MYO16: variants seen among roughly 807,000 people sequenced by gnomAD.
The protein encoded by MYO16 is unconventional myosin-XVI.
Under a neutral mutation model 205.3 loss-of-function variants are expected in MYO16, and 94 were observed. The observed-to-expected ratio is 0.46, with a 90% CI of 0.39 to 0.54. The LOEUF (loss-of-function observed/expected upper bound fraction) is 0.54. MYO16 is among the 20% of genes least tolerant of loss of function. The probability of loss-of-function intolerance (pLI) is 0.00; values close to 1 mark genes in which losing one functional copy is unlikely to be tolerated. For synonymous variants in MYO16, 988 were observed against 954.0 expected, an observed-to-expected ratio of 1.04 and a Z score of -0.66; for missense variants, 2,315 against 2,387.5, an observed-to-expected ratio of 0.97 and a Z score of 0.63.
intron 1 of MYO16, among the ~76,000 whole-genome samples, chr13:108,619,599 T>G (rs560484370): frequency 6.6e-6 from 1 of 152,112 alleles, no homozygotes; most frequent in Non-Finnish European, 1.5e-5. Flanking sequence ...AGTAATAGGA[T>G]GTAGCATCAG....
At chr13:108,901,401 A>T (rs547056544) in intron 15 of MYO16, among the ~76,000 whole-genome samples, 380 of 151,862 alleles carry the variant, frequency 2.5e-3, no homozygotes, top group Middle Eastern at 0.01. Context: ...TCTCTTTTGT[A>T]CTCTGTCCCT....
chr13:108,641,432 C>T (rs891509835), intron 1 of MYO16, among the ~76,000 whole-genome samples: 2 of 152,136 alleles, frequency 1.3e-5, no homozygotes, highest in Non-Finnish European at 2.9e-5. Flanking sequence ...ATCAATTGGC[C>T]ATTCTCCTTC....
intron 4 of MYO16, among the ~76,000 whole-genome samples, chr13:108,781,377 G>A (rs1886296836): frequency 6.6e-6 from 1 of 152,212 alleles, no homozygotes; most frequent in African/African-American, 2.4e-5. Context: ...ATAGCTGAAA[G>A]AACACTAGGG....
chr13:108,811,233 C>T (rs532925200), intron 7 of MYO16, among the ~76,000 whole-genome samples: 31 of 151,924 alleles, frequency 2.0e-4, no homozygotes, highest in African/African-American at 7.0e-4. Flanking sequence ...ACATTTTTAC[C>T]CAAGTGTATA....
At position 109,127,370 on chromosome 13, in the gene MYO16, G is replaced by C; in HGVS notation, c.3871G>C (p.Gly1291Arg). 1 of 1,613,700 alleles carries C rather than the reference G, an allele frequency of 6.2e-7. No homozygotes were observed. Residue 1291 changes from glycine to arginine, a missense_variant, in exon 31 of 35, where the codon GGC becomes CGC. Physicochemically the swap from Gly to Arg is moderately radical, Grantham distance 125 (BLOSUM62 -2). Transcript: ENST00000457511. This position sits in a 1 kb window ranked among gnomAD's most constrained non-coding sequence, Gnocchi z 4.2. ...GGATGGCCTGGGCCAGTGCCTCGTT[G>C]GCCCGTCCATCTGGTCTCCTTCGCT... ...AVDGLGQCLV[G>R]PSIWSPSLHS...
intron 27 of MYO16, among the ~76,000 whole-genome samples, chr13:109,087,419 G>A (rs893006718): frequency 1.3e-5 from 2 of 152,264 alleles, no homozygotes; most frequent in Admixed American, 6.5e-5. Context: ...GCCGAGGTGG[G>A]CTGATCAGCT....
intron 34 of MYO16, among the ~76,000 whole-genome samples, chr13:109,203,946 A>T (rs1880500482): frequency 6.6e-6 from 1 of 152,010 alleles, no homozygotes; most frequent in African/African-American, 2.4e-5. Flanking sequence ...GTCCCATGAA[A>T]CTCCAAAATA....
chr13:108,595,430 TA>T (rs200987844), upstream of MYO16, among the ~76,000 whole-genome samples: 2 of 151,570 alleles, frequency 1.3e-5, no homozygotes, highest in Admixed American at 6.6e-5. Flanking sequence ...GCTCTTGAGT[TA>T]AAAAAAAAGT....
At chr13:108,790,194 G>A (rs535614965) in intron 5 of MYO16, among the ~76,000 whole-genome samples, 1 of 152,310 alleles carries the variant, frequency 6.6e-6, no homozygotes, top group East Asian at 1.9e-4. Flanking sequence ...GCAAAGAGTA[G>A]CCCTAATATC....
intron 12 of MYO16, among the ~76,000 whole-genome samples, chr13:108,874,288 G>T (rs999409709): frequency 2.6e-5 from 4 of 152,104 alleles, no homozygotes; most frequent in Non-Finnish European, 5.9e-5. Context: ...ATGAGCAGAA[G>T]AATGGACTAG....
At chr13:109,103,761 T>G (rs1889041687) in intron 28 of MYO16, among the ~76,000 whole-genome samples, 1 of 152,160 alleles carries the variant, frequency 6.6e-6, no homozygotes, top group Admixed American at 6.5e-5. Context: ...TTCCTTCTGT[T>G]TCAGATGAGG....
At chr13:108,791,526 G>A (rs761423784) in intron 5 of MYO16, among the ~76,000 whole-genome samples, 1 of 152,298 alleles carries the variant, frequency 6.6e-6, no homozygotes, top group Non-Finnish European at 1.5e-5. Context: ...ACACCATTTT[G>A]CAGTTGAAGA....
At chr13:108,502,389 T>A in the MYO16 span, among the ~76,000 whole-genome samples, 9 of 152,234 alleles carry the variant, frequency 5.9e-5, no homozygotes, top group Non-Finnish European at 1.2e-4. Context: ...TTAAGTAATG[T>A]AAGTAAAGTT....
At chr13:108,975,034 T>C (rs1884201735) in intron 20 of MYO16, among the ~76,000 whole-genome samples, 1 of 152,214 alleles carries the variant, frequency 6.6e-6, no homozygotes, top group African/African-American at 2.4e-5. Flanking sequence ...ATAGGTTTAT[T>C]CATGTATTTA....
intron 23 of MYO16, among the ~76,000 whole-genome samples, chr13:109,030,316 G>A (rs151317999): frequency 2.6e-5 from 4 of 152,272 alleles, no homozygotes; most frequent in Admixed American, 6.5e-5. Context: ...ATAGAAAGCT[G>A]AAACCAGGCA....
At chr13:108,861,642 CT>C (rs1371339554) in intron 11 of MYO16, among the ~76,000 whole-genome samples, 3 of 152,100 alleles carry the variant, frequency 2.0e-5, no homozygotes, top group Non-Finnish European at 4.4e-5. Context: ...CAAATTCCAG[CT>C]ATTCTGGCAG....
intron 16 of MYO16, among the ~76,000 whole-genome samples, chr13:108,937,641 C>T (rs1882549675): frequency 6.6e-6 from 1 of 152,114 alleles, no homozygotes; most frequent in African/African-American, 2.4e-5. Flanking sequence ...ATTCTGCTTG[C>T]TTCAATCTAT....
chr13:108,677,963 A>C (rs1170509377), intron 2 of MYO16, among the ~76,000 whole-genome samples: 1 of 152,224 alleles, frequency 6.6e-6, no homozygotes, highest in Non-Finnish European at 1.5e-5. Context: ...GGTGATTTTC[A>C]TAGGAAAAAG....
At chr13:108,900,741 T>G (rs1391682282) in intron 15 of MYO16, among the ~76,000 whole-genome samples, 1 of 152,140 alleles carries the variant, frequency 6.6e-6, no homozygotes, top group African/African-American at 2.4e-5. Flanking sequence ...GCATGTGTGT[T>G]TGAACAATAT....
Sources: allele counts gnomAD v4.1 joint callset (sites outside exome capture counted in the v4.1 genomes callset), GRCh38; gene constraint gnomAD v4.1.1; non-coding constraint Gnocchi (gnomAD v3.1); transcripts MANE v1.5; gene names NCBI Gene and HGNC (gene_info 2026-07-23, HGNC 2026-07-21).